The following TTC39C variants were observed in gnomAD, a reference collection of about 807,000 sequenced individuals.
TTC39C encodes the protein tetratricopeptide repeat protein 39C.
In TTC39C, 33 loss-of-function variants were observed where a neutral mutation model predicts 76.3. The ratio of observed to expected loss-of-function variants is 0.43; its 90% CI spans 0.33 to 0.58. The LOEUF (loss-of-function observed/expected upper bound fraction) is 0.58. TTC39C is among the 20% of genes least tolerant of loss of function. The pLI, the probability that TTC39C is intolerant of heterozygous loss-of-function variation, is 0.04. For synonymous variants in TTC39C, 254 were observed against 260.6 expected (o/e 0.97, Z 0.24); for missense variants, 595 against 701.4 (o/e 0.85, Z 1.71).
intron 6 of TTC39C, among the ~76,000 whole-genome samples, chr18:24,109,200 T>TAAAAAAAAAAAA (rs1599333991): frequency 9.5e-6 from 1 of 105,792 alleles, no homozygotes; most frequent in Admixed American, 8.3e-5. Context: ...AAAAAAAAAG[T>TAAAAAAAAAAAA]TAAAAAATTA....
chr18:24,068,396 A>C (rs1401819572), intron 3 of TTC39C, among the ~76,000 whole-genome samples: 5 of 152,230 alleles, frequency 3.3e-5, no homozygotes, highest in African/African-American at 4.8e-5. Flanking sequence ...TCTACTGTGT[A>C]TACTGTTGAC....
Position 24,084,654 on chromosome 18 carries a change from G to C in TTC39C, c.984+1573G>C, listed in dbSNP as rs1599309973. Among the ~76,000 whole-genome samples the C allele has an allele frequency of 1.3e-5, 2 of 151,622 alleles. 1 individual carries two copies. Among genetic ancestry groups the C allele is most frequent in the South Asian group, 4.2e-4 (2 of 4,778 alleles). ...GTGTTTCTCCCTTTTTTCTCTCACTGTTTTTTTTCTTTTCCTTTTTGAGAC... is the reference window on the plus strand; with the variant it reads ...GTGTTTCTCCCTTTTTTCTCTCACTCTTTTTTTTCTTTTCCTTTTTGAGAC... On this transcript the variant is annotated intron_variant, in intron 6 of 13. Coordinates refer to ENST00000317571, the MANE Select transcript of TTC39C (RefSeq NM_001135993.2).
At chr18:24,116,227 C>T (rs756154227) in intron 7 of TTC39C, among the ~76,000 whole-genome samples, 28 of 152,274 alleles carry the variant, frequency 1.8e-4, no homozygotes, top group African/African-American at 2.4e-4. Context: ...AATCTTTCTC[C>T]GCTATCTATG....
intron 8 of TTC39C, 102 bp from the exon 9 acceptor site, chr18:24,123,732 T>C (rs570591457): frequency 1.2e-6 from 1 of 804,686 alleles, no homozygotes; most frequent in East Asian, 2.8e-5. Context: ...TTTAAACATA[T>C]TTGCTCCTGC....
At chr18:24,038,558 C>G (rs545130997) in intron 1 of TTC39C, among the ~76,000 whole-genome samples, 4 of 152,294 alleles carry the variant, frequency 2.6e-5, no homozygotes, top group African/African-American at 9.6e-5. Flanking sequence ...GCTGGGATTA[C>G]AGGCATGAAC....
At chr18:24,065,692 C>G (rs145992436) in intron 2 of TTC39C, among the ~76,000 whole-genome samples, 100 of 152,304 alleles carry the variant, frequency 6.6e-4, no homozygotes, top group South Asian at 5.0e-3. Context: ...ACTGTAAAAA[C>G]TGAATTGAGC....
rs1354340162 is a variant in TTC39C at position 24,064,185 on chromosome 18, T to G, written c.213T>G (p.Phe71Leu). The part of the protein sequence containing the change: ...LMSFGASFVS[F>L]LNAMMTFEEE... Reference sequence around the variant, plus strand: ...GTTTTGGAGCCAGCTTTGTCAGTTTTTTGGTAAGTTGATATCTTAAGACCT... The same window carrying G: ...GTTTTGGAGCCAGCTTTGTCAGTTTGTTGGTAAGTTGATATCTTAAGACCT... The change falls in exon 2 of 14, where the codon TTT becomes TTG. Residue 71 changes from phenylalanine (F) to leucine (L), a missense_variant. Phe to Leu is a conservative substitution (Grantham distance 22, BLOSUM62 0). Coordinates refer to ENST00000317571, the MANE Select transcript of TTC39C (RefSeq NM_001135993.2). The G allele has an allele frequency of 6.2e-7, 1 of 1,613,720 alleles. No individual in the cohort carries two copies. The highest frequency in any genetic ancestry group is 2.2e-5 in the East Asian group (1 of 44,808).
At chr18:24,043,334 C>G (rs2083821613) in intron 1 of TTC39C, among the ~76,000 whole-genome samples, 1 of 152,088 alleles carries the variant, frequency 6.6e-6, no homozygotes, top group Admixed American at 6.6e-5. Context: ...TGCACTCCAG[C>G]CTTGGTGACA....
chr18:24,127,495 C>T (rs2085065851), intron 10 of TTC39C, among the ~76,000 whole-genome samples: 1 of 152,028 alleles, frequency 6.6e-6, no homozygotes, highest in Admixed American at 6.6e-5. Context: ...TGGATTCTTC[C>T]TTTGTGTCGT....
chr18:24,027,216 C>T (rs933291986), intron 1 of TTC39C, among the ~76,000 whole-genome samples: 29 of 151,820 alleles, frequency 1.9e-4, no homozygotes, highest in African/African-American at 6.5e-4. Flanking sequence ...CGCTTGAACC[C>T]GGGAGGCAGA....
intron 6 of TTC39C, among the ~76,000 whole-genome samples, chr18:24,101,927 A>G (rs2084681255): frequency 6.6e-6 from 1 of 152,138 alleles, no homozygotes; most frequent in Non-Finnish European, 1.5e-5. Flanking sequence ...CATTTTCCCC[A>G]TCATTTTAAA....
chr18:24,118,291 G>A lies in TTC39C; in HGVS notation c.1186+59G>A, dbSNP rs146121111. 128 of 1,347,948 alleles carry A rather than the reference G, an allele frequency of 9.5e-5. No homozygotes were observed. The African/African-American group carries it at 1.6e-3, about 16-fold the overall frequency. 83.5% of individuals were successfully genotyped at this position (1,347,948 alleles called of 1,614,324 possible). A position where few individuals can be genotyped will look rare whatever the true frequency, so the allele number is the denominator to read the frequency against. On this transcript the variant is annotated intron_variant, in intron 8 of 13. Transcript: ENST00000317571. ...TCTGTCGTGAATTAGCTCGCCTGACGTGGGCAGATGGGAGAATGATGGCAA... is the reference window on the plus strand; with the variant it reads ...TCTGTCGTGAATTAGCTCGCCTGACATGGGCAGATGGGAGAATGATGGCAA...
chr18:24,003,041 T>C (rs1162917867), intron 1 of TTC39C, among the ~76,000 whole-genome samples: 1 of 152,218 alleles, frequency 6.6e-6, no homozygotes. Flanking sequence ...TTGGCTCCTC[T>C]TTGCCTAGAG....
chr18:24,044,023 C>A (rs1462544049), intron 1 of TTC39C, among the ~76,000 whole-genome samples: 1 of 150,310 alleles, frequency 6.7e-6, no homozygotes, highest in Non-Finnish European at 1.5e-5. Context: ...TCTATAATGG[C>A]AGTTGGCTGA....
At chr18:23,993,735 T>C (rs1373437629) in intron 1 of TTC39C, among the ~76,000 whole-genome samples, 1 of 152,212 alleles carries the variant, frequency 6.6e-6, no homozygotes, top group African/African-American at 2.4e-5. Context: ...TCTAGATAAT[T>C]ATTTAATTTC....
At chr18:24,059,261 A>G (rs1210835644) in intron 1 of TTC39C, among the ~76,000 whole-genome samples, 1 of 152,214 alleles carries the variant, frequency 6.6e-6, no homozygotes, top group African/African-American at 2.4e-5. Flanking sequence ...GTTTTGTTAC[A>G]TAGAAAAACT....
Position 24,066,099 on chromosome 18 carries a change from G to T in TTC39C, c.304G>T (p.Ala102Ser). The T allele has an allele frequency of 2.5e-6, 4 of 1,600,142 alleles. No individual in the cohort carries two copies. The highest frequency in any genetic ancestry group is 3.4e-6 in the Non-Finnish European group (4 of 1,176,790). Residue 102 changes from alanine (A) to serine (S), a missense_variant, in exon 3 of 14, where the codon GCT (alanine) becomes TCT (serine). Coordinates refer to ENST00000317571, the MANE Select transcript of TTC39C (RefSeq NM_001135993.2). Reference protein sequence around the residue: ...TTEKLCESEEAGVIETIKNKI... With the variant: ...TTEKLCESEESGVIETIKNKI... The stretch of plus-strand genomic sequence containing the variant: ...AGAAAAACTGTGTGAAAGTGAAGAG[G>T]CTGGAGTAATTGAAACAATCAAGAA...
chr18:24,091,103 G>T (rs776983511), intron 6 of TTC39C, among the ~76,000 whole-genome samples: 2 of 152,156 alleles, frequency 1.3e-5, no homozygotes, highest in Admixed American at 6.5e-5. Flanking sequence ...CGCCACGCCC[G>T]GCCTTATGAT....
intron 1 of TTC39C, among the ~76,000 whole-genome samples, chr18:24,059,846 C>T (rs1199069290): frequency 6.6e-6 from 1 of 152,140 alleles, no homozygotes; most frequent in Non-Finnish European, 1.5e-5. Flanking sequence ...CTCATAGTTC[C>T]ACATGGCTGG....
Sources: allele counts gnomAD v4.1 joint callset (sites outside exome capture counted in the v4.1 genomes callset), GRCh38; gene constraint gnomAD v4.1.1; transcripts MANE v1.5; gene names NCBI Gene and HGNC (gene_info 2026-07-23, HGNC 2026-07-21).